Variants in HMCN1 observed in about 807,000 individuals in gnomAD.
The protein encoded by HMCN1 is hemicentin 1, also known as hemicentin-1.
A neutral mutation model predicts 625.9 loss-of-function variants in HMCN1; 321 were observed. That is an observed-to-expected ratio of 0.51 (90% CI 0.47 to 0.56). The LOEUF is 0.56. Ranked by LOEUF, HMCN1 falls within the 20% of genes least tolerant of loss-of-function variation. HMCN1 has a pLI of 0.00. For missense variants in HMCN1, 6,588 were observed against 6,887.3 expected (o/e 0.96, Z 1.54); for synonymous variants, 2,425 against 2,417.6 (o/e 1.00, Z -0.09).
intron 15 of HMCN1, among the ~76,000 whole-genome samples, chr1:185,972,084 A>T (rs561168011): frequency 6.6e-6 from 1 of 152,308 alleles, no homozygotes; most frequent in South Asian, 2.1e-4. Flanking sequence ...TACTGAGTAC[A>T]ACATTGTAAT....
rs540224825 is a variant in HMCN1, at chr1:185,934,143, A to G, written c.1828+319A>G. ...TCCATCTTGTGGATTTTTTTAAAAA[A>G]TACTAATTTTATTAATAATTGGTCA... On this transcript the variant is annotated intron_variant, in intron 11 of 106. Transcript: ENST00000271588. Among the ~76,000 whole-genome samples, 19 of 152,324 alleles carry G rather than the reference A, an allele frequency of 1.2e-4. 1 individual carries two copies. In the East Asian group the frequency reaches 3.7e-3, roughly 29 times the overall value.
At chr1:186,069,854 T>C in intron 51 of HMCN1, 78 bp downstream of exon 51, 1 of 873,048 alleles carries the variant, frequency 1.1e-6, no homozygotes, top group Non-Finnish European at 1.9e-6. Context: ...TCATTATGGG[T>C]TCATAATTAT....
intron 68 of HMCN1, among the ~76,000 whole-genome samples, chr1:186,097,421 G>A (rs138981801): frequency 4.2e-4 from 64 of 152,066 alleles, no homozygotes; most frequent in African/African-American, 1.3e-3. Context: ...GCCTACTGCC[G>A]GGCTTGAGCA....
chr1:185,990,216 T>C, intron 21 of HMCN1, 59 bp from the exon 22 acceptor site: 3 of 1,440,070 alleles, frequency 2.1e-6, no homozygotes, highest in Non-Finnish European at 2.9e-6. Flanking sequence ...TTAGTGTAAA[T>C]TAAACTGTGC....
chr1:185,889,044 C>T (rs1452410400), intron 4 of HMCN1, among the ~76,000 whole-genome samples: 2 of 142,342 alleles, frequency 1.4e-5, no homozygotes, highest in African/African-American at 5.8e-5. Context: ...AAGTTGGATT[C>T]CTAGGTATTT....
In HMCN1 at chr1:185,852,734, C is replaced by T. The variant is rs926087740; in HGVS notation, c.339+6638C>T. Among the ~76,000 whole-genome samples the T allele has an allele frequency of 2.0e-5, 3 of 151,618 alleles. No individual in the cohort carries two copies. The Admixed American group carries it at 2.0e-4, about 10-fold the overall frequency. On this transcript the variant is annotated intron_variant, in intron 2 of 106. Transcript: ENST00000271588. ...CAGAACAGTGGCCAAAGTACAGGCT[C>T]AATAAATGTTATCTATTGCTACTAC... is the stretch of plus-strand genomic sequence containing the variant.
intron 1 of HMCN1, among the ~76,000 whole-genome samples, chr1:185,746,558 TCGTCACA>T (rs756029433): frequency 2.6e-5 from 4 of 151,892 alleles, no homozygotes; most frequent in Admixed American, 6.6e-5. Context: ...TCTGCCTTTG[TCGTCACA>T]TGGTGTTATC....
rs557887846 is a variant in HMCN1, at chr1:186,110,977, CTTTTT to C, written c.10990-1818_10990-1814del. ...TACGGAAGAAAAACCAGAGAAAATT[CTTTTT>C]TTTTTTTTTTTTTTTTGAGACGGAG... is the stretch of plus-strand genomic sequence containing the variant. On this transcript the variant is annotated intron_variant, in intron 71 of 106. Transcript: ENST00000271588. Among the ~76,000 whole-genome samples, 285 of 61,640 alleles carry C rather than the reference CTTTTT, an allele frequency of 4.6e-3. 27 individuals carry two copies. Among genetic ancestry groups the C allele is most frequent in the African/African-American group, 0.026 (266 of 10,194 alleles). The allele number at this position is 61,640 out of a possible 152,430, so 40.4% of individuals were successfully genotyped here. A position where few individuals can be genotyped will look rare whatever the true frequency, so the allele number is the denominator to read the frequency against.
Position 186,113,100 on chromosome 1 carries a change from A to G in HMCN1, c.11131+147A>G, listed in dbSNP as rs1660967015. ...AAAGGCAACGTGGAGTATTTGTATT[A>G]TATCTATACTGCAAATTAACTCAAT... On this transcript the variant is annotated intron_variant, in intron 72 of 106. Transcript: ENST00000271588. 5 of 831,626 alleles carry G rather than the reference A, an allele frequency of 6.0e-6. No individual in the cohort carries two copies. In the Admixed American group the frequency reaches 1.0e-4, roughly 17 times the overall value. The allele number at this position is 831,626 out of a possible 1,614,324, so 51.5% of individuals were successfully genotyped here.
Position 185,878,249 on chromosome 1 carries a change from G to A in HMCN1, c.621+12386G>A, listed in dbSNP as rs535458112. 1.8e-4 allele frequency among the ~76,000 whole-genome samples: 27 copies of A among 152,246 alleles called. No homozygotes were observed. In the South Asian group the frequency reaches 3.7e-3, roughly 21 times the overall value. Reference sequence around the variant, plus strand: ...TGCTTTTCATTTTTTAATCTTCACTGATTGCTCTGGCTAGGACTTTCAGTA... The same window carrying A: ...TGCTTTTCATTTTTTAATCTTCACTAATTGCTCTGGCTAGGACTTTCAGTA... On this transcript the variant is annotated intron_variant, in intron 4 of 106. Transcript: ENST00000271588.
chr1:185,895,758 C>T (rs1034550744), intron 4 of HMCN1, among the ~76,000 whole-genome samples: 3 of 152,068 alleles, frequency 2.0e-5, no homozygotes, highest in African/African-American at 7.2e-5. Flanking sequence ...ATGTTAAGAG[C>T]CTCATACTGA....
chr1:185,849,383 T>C (rs573614561), intron 2 of HMCN1, among the ~76,000 whole-genome samples: 20 of 152,198 alleles, frequency 1.3e-4, no homozygotes, highest in Non-Finnish European at 2.5e-4. Flanking sequence ...GGCTGGGTCA[T>C]TTCTCACTAC....
intron 4 of HMCN1, among the ~76,000 whole-genome samples, chr1:185,867,176 T>G (rs528155297): frequency 6.6e-6 from 1 of 152,224 alleles, no homozygotes; most frequent in African/African-American, 2.4e-5. Context: ...ATCTTAAAAA[T>G]GTATTCTTGG....
intron 70 of HMCN1, 98 bp from the exon 71 acceptor site, chr1:186,108,363 A>G: frequency 6.4e-7 from 1 of 1,564,016 alleles, no homozygotes; most frequent in South Asian, 1.1e-5. Flanking sequence ...GTAATGTTTT[A>G]ATTTTATGCC....
At chr1:186,158,876 T>C (rs1427342725) in intron 97 of HMCN1, among the ~76,000 whole-genome samples, 11 of 152,084 alleles carry the variant, frequency 7.2e-5, no homozygotes. Flanking sequence ...GCGTGATGCC[T>C]CCAGCTTTGT....
At chr1:185,882,398 G>C (rs927651468) in intron 4 of HMCN1, among the ~76,000 whole-genome samples, 21 of 151,312 alleles carry the variant, frequency 1.4e-4, no homozygotes, top group African/African-American at 4.1e-4. Flanking sequence ...TTGCAGCTAA[G>C]TGGTTTTAAA....
chr1:185,933,862 T>C (rs369141740), intron 11 of HMCN1, 38 bp downstream of exon 11: 2 of 1,598,342 alleles, frequency 1.3e-6, no homozygotes, highest in African/African-American at 2.7e-5. Context: ...ATGACATCTT[T>C]CTGTCCTCTA....
rs1558237888 is a variant in HMCN1 at position 186,119,886 on chromosome 1, C to T, written c.12094+4C>T. ...GGCATCAATGTTAACACTTCAGGTA[C>T]CTACCACTGTTTTTCTATCAAGAAA... On this transcript the variant is annotated splice_donor_region_variant and intron_variant, in intron 79 of 106. Transcript: ENST00000271588. The T allele has an allele frequency of 6.2e-7, 1 of 1,614,044 alleles. No individual in the cohort carries two copies. The highest frequency in any genetic ancestry group is 1.7e-5 in the Admixed American group (1 of 60,012).
Position 185,935,797 on chromosome 1 carries a change from T to C in HMCN1, c.1828+1973T>C, listed in dbSNP as rs138288348. ...AGTAACAATAACAGACTTTTGCTAATTGTGGCTATCTAAATGTATTATTTT... is the reference window on the plus strand; with the variant it reads ...AGTAACAATAACAGACTTTTGCTAACTGTGGCTATCTAAATGTATTATTTT... On this transcript the variant is annotated intron_variant, in intron 11 of 106. Coordinates refer to ENST00000271588, the MANE Select transcript of HMCN1 (RefSeq NM_031935.3). 6.0e-3 allele frequency among the ~76,000 whole-genome samples: 913 copies of C among 152,212 alleles called. 5 individuals are homozygous for C. The highest frequency in any genetic ancestry group is 0.021 in the African/African-American group (877 of 41,550).
Sources: allele counts gnomAD v4.1 joint callset (sites outside exome capture counted in the v4.1 genomes callset), GRCh38; gene constraint gnomAD v4.1.1; transcripts MANE v1.5; gene names NCBI Gene and HGNC (gene_info 2026-07-23, HGNC 2026-07-21).